The following PLEKHA2 variants were observed in gnomAD, a reference collection of about 807,000 sequenced individuals.
The protein encoded by PLEKHA2 is pleckstrin homology domain containing A2.
Under a neutral mutation model 53.2 loss-of-function variants are expected in PLEKHA2, and 28 were observed. The ratio of observed to expected loss-of-function variants is 0.53; its 90% confidence interval spans 0.39 to 0.72. The LOEUF (loss-of-function observed/expected upper bound fraction) is 0.72, where lower values mean the gene tolerates loss of function less well. PLEKHA2 is among the 30% of genes least tolerant of loss of function. PLEKHA2 has a pLI of 0.00. For missense variants in PLEKHA2, 426 were observed against 537.9 expected (o/e 0.79, Z 2.06); for synonymous variants, 193 against 196.4 (o/e 0.98, Z 0.14).
intron 9 of PLEKHA2, 141 bp downstream of exon 9, chr8:38,953,508 C>T (rs1834884255): frequency 2.4e-6 from 2 of 845,428 alleles, no homozygotes; most frequent in African/African-American, 3.4e-5. Flanking sequence ...TTGTGGCTGA[C>T]TCACTGCATC....
intron 2 of PLEKHA2, among the ~76,000 whole-genome samples, chr8:38,920,118 T>A (rs569078671): frequency 3.3e-5 from 5 of 151,790 alleles, no homozygotes; most frequent in Admixed American, 3.3e-4. Flanking sequence ...ATTACTGGCA[T>A]GTACCACCAT....
intron 10 of PLEKHA2, among the ~76,000 whole-genome samples, chr8:38,967,984 A>G (rs1314214208): frequency 6.6e-6 from 1 of 151,960 alleles, no homozygotes; most frequent in Non-Finnish European, 1.5e-5. Flanking sequence ...GGGATGATTT[A>G]TGGTTTTGTT....
intron 7 of PLEKHA2, 46 bp from the exon 8 acceptor site, chr8:38,952,590 C>T: frequency 6.4e-7 from 1 of 1,568,540 alleles, no homozygotes; most frequent in African/African-American, 1.3e-5. Flanking sequence ...CTCCACAATG[C>T]TGGGCACCTC....
intron 1 of PLEKHA2, among the ~76,000 whole-genome samples, chr8:38,904,881 TAAC>T (rs894552339): frequency 9.8e-5 from 15 of 152,336 alleles, no homozygotes; most frequent in African/African-American, 3.4e-4. Flanking sequence ...ACATGCAGTT[TAAC>T]AACAACAATA....
chr8:38,917,125 GA>G (rs1323712884), intron 1 of PLEKHA2, among the ~76,000 whole-genome samples: 4 of 152,056 alleles, frequency 2.6e-5, no homozygotes, highest in African/African-American at 4.8e-5. Context: ...TGGATTATGA[GA>G]TTTTTTTTCC....
At chr8:38,961,509 C>G (rs1835041948) in intron 10 of PLEKHA2, among the ~76,000 whole-genome samples, 1 of 152,032 alleles carries the variant, frequency 6.6e-6, no homozygotes, top group Admixed American at 6.5e-5. Flanking sequence ...TGCACTCCAG[C>G]CTGGAAGACA....
chr8:38,910,047 C>A (rs1032381898), intron 1 of PLEKHA2, among the ~76,000 whole-genome samples: 2 of 148,094 alleles, frequency 1.4e-5, no homozygotes, highest in African/African-American at 5.0e-5. Flanking sequence ...GCCTCCACTT[C>A]CAGGGCTCAA....
At chr8:38,918,333 C>T (rs563390215) in intron 2 of PLEKHA2, among the ~76,000 whole-genome samples, 40 of 149,178 alleles carry the variant, frequency 2.7e-4, no homozygotes, top group South Asian at 4.3e-4. Flanking sequence ...TGTACAGACA[C>T]GACACATACA....
chr8:38,933,778 TAAAAA>T (rs774899490), intron 2 of PLEKHA2, among the ~76,000 whole-genome samples: 1 of 49,048 alleles, frequency 2.0e-5, no homozygotes, highest in Non-Finnish European at 4.7e-5. Flanking sequence ...AGAGGTTTCC[TAAAAA>T]AAAAAAAAAA....
At chr8:38,961,611 T>C (rs1835043475) in intron 10 of PLEKHA2, among the ~76,000 whole-genome samples, 1 of 152,160 alleles carries the variant, frequency 6.6e-6, no homozygotes, top group Non-Finnish European at 1.5e-5. Context: ...TGGTAGAGCT[T>C]GGTGCTAAGG....
chr8:38,941,679 A>G lies in PLEKHA2; in HGVS notation c.199-2110A>G, dbSNP rs183858024. Among the ~76,000 whole-genome samples the G allele has an allele frequency of 2.6e-5, 4 of 152,362 alleles. No homozygotes were observed. The East Asian group carries it at 7.7e-4, about 29-fold the overall frequency. On this transcript the variant is annotated intron_variant, in intron 3 of 11. Transcript: ENST00000617275. ...GAGGCTTTAAAGGAAATGAGGTATC[A>G]AAAGCTATAAATAATCCCTCCTGGG...
intron 4 of PLEKHA2, among the ~76,000 whole-genome samples, chr8:38,945,561 T>A (rs149473450): frequency 4.1e-4 from 62 of 152,292 alleles, no homozygotes; most frequent in African/African-American, 1.3e-3. Context: ...GATCTGAAAA[T>A]ATATATATGT....
intron 2 of PLEKHA2, among the ~76,000 whole-genome samples, chr8:38,932,979 GGA>G (rs1305620746): frequency 2.6e-5 from 4 of 152,182 alleles, no homozygotes; most frequent in African/African-American, 9.7e-5. Context: ...CTCTGAACAG[GGA>G]GAGCTGCCAG....
chr8:38,914,120 G>GT (rs1236280511), intron 1 of PLEKHA2, among the ~76,000 whole-genome samples: 1 of 152,170 alleles, frequency 6.6e-6, no homozygotes, highest in East Asian at 1.9e-4. Context: ...TAGCTGTGCT[G>GT]TTTCACCTCT....
rs1001390035 is a variant in PLEKHA2 at position 38,957,216 on chromosome 8, C to T, written c.774-107C>T. 6 of 796,142 alleles carry T rather than the reference C, an allele frequency of 7.5e-6. No homozygotes were observed. The African/African-American group carries it at 8.5e-5, about 11-fold the overall frequency. 49.3% of individuals were successfully genotyped at this position (796,142 alleles called of 1,614,324 possible). A position where few individuals can be genotyped will look rare whatever the true frequency, so the allele number is the denominator to read the frequency against. On this transcript the variant is annotated intron_variant, in intron 9 of 11. Coordinates refer to ENST00000617275, the MANE Select transcript of PLEKHA2 (RefSeq NM_021623.2). ...GGAAGAATGGCTTGGAACCACCCCCCACCCATCTTCCTTTTTTATGGTAGA... is the reference window on the plus strand; with the variant it reads ...GGAAGAATGGCTTGGAACCACCCCCTACCCATCTTCCTTTTTTATGGTAGA...
rs937299635 is a variant in PLEKHA2, at chr8:38,973,264, A to T, written c.*3481A>T. 1 of 152,186 alleles carries T rather than the reference A, an allele frequency of 6.6e-6. No homozygotes were observed. Among genetic ancestry groups the T allele is most frequent in the Non-Finnish European group, 1.5e-5 (1 of 68,034 alleles). 9.4% of individuals were successfully genotyped at this position (152,186 alleles called of 1,614,324 possible). On this transcript the variant is annotated 3_prime_UTR_variant, in exon 12 of 12. Transcript: ENST00000617275. ...TCAGGTCAGAATATTGGAGTTATAC[A>T]TCTATTTCTGAGTTGAATACTCAGC... is the stretch of plus-strand genomic sequence containing the variant.
chr8:38,960,052 C>G (rs1464903130), intron 10 of PLEKHA2, among the ~76,000 whole-genome samples: 1 of 152,166 alleles, frequency 6.6e-6, no homozygotes, highest in Non-Finnish European at 1.5e-5. Flanking sequence ...GGACTAAAGA[C>G]AGCAATTTGG....
intron 1 of PLEKHA2, among the ~76,000 whole-genome samples, chr8:38,908,278 A>T (rs550003857): frequency 6.6e-6 from 1 of 152,252 alleles, no homozygotes; most frequent in African/African-American, 2.4e-5. Flanking sequence ...GGATGTTGCC[A>T]TACGAAGTAA....
chr8:38,954,978 G>C (rs1294977577), intron 9 of PLEKHA2, among the ~76,000 whole-genome samples: 2 of 152,214 alleles, frequency 1.3e-5, no homozygotes, highest in Non-Finnish European at 2.9e-5. Context: ...AGGTTGCAGT[G>C]AGCCAAGATC....
Sources: allele counts gnomAD v4.1 joint callset (sites outside exome capture counted in the v4.1 genomes callset), GRCh38; gene constraint gnomAD v4.1.1; transcripts MANE v1.5; gene names NCBI Gene and HGNC (gene_info 2026-07-23, HGNC 2026-07-21).